The following CHN1 variants were observed in gnomAD, a reference collection of about 807,000 sequenced individuals.
CHN1 encodes N-chimaerin.
CHN1 carries 37 observed loss-of-function variants against 59.5 expected under a neutral mutation model. The ratio of observed to expected loss-of-function variants is 0.62; its 90% confidence interval spans 0.48 to 0.82. The LOEUF (loss-of-function observed/expected upper bound fraction) is 0.82, where lower values mean the gene tolerates loss of function less well. Among genes scored for constraint, CHN1 ranks in the 40% least tolerant of loss-of-function variants. CHN1 has a pLI of 0.00. For missense variants in CHN1, 469 were observed against 571.0 expected (o/e 0.82, Z 1.82); for synonymous variants, 206 against 200.4 (o/e 1.03, Z -0.24).
intron 6 of CHN1, among the ~76,000 whole-genome samples, chr2:174,874,872 CTT>C (rs11406785): frequency 2.4e-5 from 3 of 122,708 alleles, no homozygotes; most frequent in Non-Finnish European, 4.8e-5. Flanking sequence ...TTTATTTATT[CTT>C]TTTTTTTTTT....
At chr2:174,983,501 A>C (rs570637350) in intron 1 of CHN1, among the ~76,000 whole-genome samples, 32 of 152,176 alleles carry the variant, frequency 2.1e-4, no homozygotes, top group Middle Eastern at 3.4e-3. Context: ...TGAGCATAGA[A>C]TCAAACTTCA....
Position 174,884,069 on chromosome 2 carries a change from G to A in CHN1, c.261-5941C>T, listed in dbSNP as rs528739968. On this transcript the variant is annotated intron_variant, in intron 5 of 12. Coordinates refer to ENST00000409900, the MANE Select transcript of CHN1 (RefSeq NM_001822.7). ...TGCAAGCTCCGCCTCCCAGGTTCAC[G>A]CCATTCTCCTGCCTCAGCCTCCCGA... Among the ~76,000 whole-genome samples the A allele has an allele frequency of 4.3e-4, 64 of 149,958 alleles. No homozygotes were observed. The South Asian group carries it at 0.011, about 26-fold the overall frequency.
intron 6 of CHN1, among the ~76,000 whole-genome samples, chr2:174,870,211 A>C (rs997750499): frequency 2.0e-5 from 3 of 152,170 alleles, no homozygotes; most frequent in Non-Finnish European, 4.4e-5. Flanking sequence ...AGCATACTTT[A>C]AAAGGGACAT....
chr2:174,916,030 T>TG (rs1558980265), intron 4 of CHN1, among the ~76,000 whole-genome samples: 3 of 152,166 alleles, frequency 2.0e-5, no homozygotes. Flanking sequence ...AAACATCAAA[T>TG]GCAGACACAG....
intron 1 of CHN1, among the ~76,000 whole-genome samples, chr2:174,992,406 A>G (rs2105464372): frequency 6.6e-6 from 1 of 152,350 alleles, no homozygotes; most frequent in Non-Finnish European, 1.5e-5. Context: ...AAAAGCACTG[A>G]CATAGAGGGG....
intron 3 of CHN1, among the ~76,000 whole-genome samples, chr2:174,944,572 T>C (rs1689771419): frequency 6.6e-6 from 1 of 152,164 alleles, no homozygotes; most frequent in African/African-American, 2.4e-5. Context: ...AATCCTACAA[T>C]GATGGCTCCA....
chr2:174,943,228 G>A (rs1689724678), intron 3 of CHN1, among the ~76,000 whole-genome samples: 1 of 151,252 alleles, frequency 6.6e-6, no homozygotes, highest in African/African-American at 2.4e-5. Flanking sequence ...ACATGTTTTT[G>A]TTTTTGTTTT....
chr2:174,884,298 GAA>G (rs1687829338), intron 5 of CHN1, among the ~76,000 whole-genome samples: 2 of 151,866 alleles, frequency 1.3e-5, no homozygotes, highest in African/African-American at 2.4e-5. Context: ...TAGAAAGAGA[GAA>G]GAGACAAAAT....
chr2:174,819,667 TA>T (rs10708979), intron 8 of CHN1, among the ~76,000 whole-genome samples: 2,335 of 152,112 alleles, frequency 0.015, 58 homozygotes, highest in African/African-American at 0.053. Flanking sequence ...TTGATTTTTT[TA>T]TTATTATTAT....
chr2:174,879,279 G>C (rs1347310717), intron 5 of CHN1, among the ~76,000 whole-genome samples: 2 of 152,176 alleles, frequency 1.3e-5, no homozygotes, highest in Non-Finnish European at 2.9e-5. Context: ...TCTTAATGTG[G>C]AAATAAAGTA....
intron 3 of CHN1, among the ~76,000 whole-genome samples, chr2:174,939,757 A>T (rs1184613430): frequency 6.6e-6 from 1 of 152,184 alleles, no homozygotes; most frequent in Non-Finnish European, 1.5e-5. Flanking sequence ...CCTTGATCAC[A>T]GCGAGCAGCA....
intron 1 of CHN1, among the ~76,000 whole-genome samples, chr2:174,997,972 G>C (rs1474796044): frequency 6.8e-6 from 1 of 146,258 alleles, no homozygotes; most frequent in African/African-American, 2.6e-5. Context: ...GGGTGACACA[G>C]TAAGACTCTG....
intron 1 of CHN1, among the ~76,000 whole-genome samples, chr2:175,002,987 C>T (rs1218193686): frequency 6.6e-6 from 1 of 152,212 alleles, no homozygotes; most frequent in East Asian, 1.9e-4. Flanking sequence ...TTGACCCAAT[C>T]TCCTAGCATT....
chr2:174,853,931 T>C (rs1686822433), intron 6 of CHN1, among the ~76,000 whole-genome samples: 1 of 152,070 alleles, frequency 6.6e-6, no homozygotes, highest in African/African-American at 2.4e-5. Flanking sequence ...ATAGATACTG[T>C]GAGCTACTAG....
intron 3 of CHN1, among the ~76,000 whole-genome samples, chr2:174,932,512 T>A (rs1479130710): frequency 6.6e-6 from 1 of 152,232 alleles, no homozygotes; most frequent in African/African-American, 2.4e-5. Context: ...TTGCCGAGTA[T>A]CTCACAGTTT....
intron 6 of CHN1, chr2:174,847,861 T>A (rs1686588580): frequency 2.3e-6 from 1 of 431,606 alleles, no homozygotes; most frequent in African/African-American, 2.1e-5. Flanking sequence ...GGAATTTTTT[T>A]AACCTATTAA....
intron 6 of CHN1, among the ~76,000 whole-genome samples, chr2:174,867,766 A>G (rs1687271029): frequency 1.3e-5 from 2 of 152,320 alleles, no homozygotes; most frequent in African/African-American, 2.4e-5. Flanking sequence ...TCATAGCCTA[A>G]TGGTCGATAA....
chr2:174,910,635 G>A (rs1353284080), intron 5 of CHN1, among the ~76,000 whole-genome samples: 1 of 152,138 alleles, frequency 6.6e-6, no homozygotes, highest in Non-Finnish European at 1.5e-5. Flanking sequence ...AAAATGTTTA[G>A]ATAAAAATAG....
intron 1 of CHN1, among the ~76,000 whole-genome samples, chr2:174,971,723 G>A (rs1331366904): frequency 6.6e-6 from 1 of 152,182 alleles, no homozygotes; most frequent in Non-Finnish European, 1.5e-5. Context: ...AAGTCACAAG[G>A]AGCAGAGCCA....
Sources: allele counts gnomAD v4.1 joint callset (sites outside exome capture counted in the v4.1 genomes callset), GRCh38; gene constraint gnomAD v4.1.1; transcripts MANE v1.5; gene names NCBI Gene and HGNC (gene_info 2026-07-23, HGNC 2026-07-21).